Variants in SUGCT observed in about 807,000 individuals in gnomAD.
The protein encoded by SUGCT is succinyl-CoA:glutarate-CoA transferase.
A neutral mutation model predicts 55.0 loss-of-function variants in SUGCT; 41 were observed. That is an observed-to-expected ratio of 0.74 (90% CI 0.58 to 0.97). SUGCT has a LOEUF of 0.97. Ranked by LOEUF, SUGCT falls within the 50% of genes least tolerant of loss-of-function variation. The pLI, the probability that SUGCT is intolerant of heterozygous loss-of-function variation, is 0.00. For synonymous variants in SUGCT, 187 were observed against 200.4 expected, an observed-to-expected ratio of 0.93 and a Z score of 0.56; for missense variants, 568 against 547.8, an observed-to-expected ratio of 1.04 and a Z score of -0.37.
chr7:40,664,242 G>A (rs906258339), intron 12 of SUGCT, among the ~76,000 whole-genome samples: 6 of 152,204 alleles, frequency 3.9e-5, no homozygotes, highest in African/African-American at 7.2e-5. Flanking sequence ...ATGTAACACT[G>A]CAAAGCTATG....
intron 7 of SUGCT, among the ~76,000 whole-genome samples, chr7:40,269,080 G>C (rs1459551072): frequency 6.6e-6 from 1 of 152,004 alleles, no homozygotes; most frequent in Non-Finnish European, 1.5e-5. Context: ...GTACATGAAG[G>C]CTCCATTTCT....
intron 1 of SUGCT, among the ~76,000 whole-genome samples, chr7:40,175,024 A>G (rs11772813): frequency 8.2e-4 from 125 of 152,138 alleles, no homozygotes; most frequent in Non-Finnish European, 1.3e-3. Flanking sequence ...ATCTTTTGCT[A>G]TGATACTGGA....
At position 40,831,610 on chromosome 7, in the gene SUGCT, G is replaced by T. The variant is rs1792669310; in HGVS notation, c.1154-28706G>T. ...CTATATAATGCAGATGTTTAACCAA[G>T]ATGCTACTAAATACTCCCAGAATTA... On this transcript the variant is annotated intron_variant, in intron 13 of 13. Transcript: ENST00000335693. Among the ~76,000 whole-genome samples, 2 of 152,192 alleles carry T rather than the reference G, an allele frequency of 1.3e-5. 1 individual carries two copies. The highest frequency in any genetic ancestry group is 4.1e-4 in the South Asian group (2 of 4,830).
At chr7:40,547,040 C>T (rs1285239994) in intron 12 of SUGCT, 2 of 151,976 alleles carry the variant, frequency 1.3e-5, no homozygotes, top group African/African-American at 4.8e-5. Context: ...CTCTGGAGAA[C>T]CCTGACAACT....
chr7:40,906,635 G>A, the SUGCT span, among the ~76,000 whole-genome samples: 1 of 152,140 alleles, frequency 6.6e-6, no homozygotes, highest in Non-Finnish European at 1.5e-5. Flanking sequence ...TAGTCTAGAG[G>A]TGATTTAAAA....
At chr7:40,460,776 A>G (rs1178522006) in intron 11 of SUGCT, among the ~76,000 whole-genome samples, 6 of 152,290 alleles carry the variant, frequency 3.9e-5, no homozygotes, top group African/African-American at 1.4e-4. Flanking sequence ...ATAATCTGCA[A>G]CCTTCTTCTT....
At chr7:40,397,847 C>G (rs1562746723) in intron 9 of SUGCT, among the ~76,000 whole-genome samples, 1 of 152,176 alleles carries the variant, frequency 6.6e-6, no homozygotes, top group African/African-American at 2.4e-5. Context: ...CATATCCCTT[C>G]TGTCCACTCT....
At chr7:40,546,928 C>T (rs1795023396) in intron 12 of SUGCT, 1 of 152,190 alleles carries the variant, frequency 6.6e-6, no homozygotes, top group Admixed American at 6.5e-5. Context: ...AAGCATAATT[C>T]TAATCATAAT....
intron 11 of SUGCT, among the ~76,000 whole-genome samples, chr7:40,468,892 CTAAGG>C (rs1790265419): frequency 6.6e-6 from 1 of 152,040 alleles, no homozygotes; most frequent in Non-Finnish European, 1.5e-5. Flanking sequence ...CACTGGCTGC[CTAAGG>C]TAAGTGAAGA....
At chr7:40,304,843 A>T (rs1794763886) in intron 8 of SUGCT, among the ~76,000 whole-genome samples, 1 of 151,998 alleles carries the variant, frequency 6.6e-6, no homozygotes, top group Non-Finnish European at 1.5e-5. Context: ...TAAAAACAAA[A>T]ACCACATGAT....
At chr7:41,028,634 G>A in the SUGCT span, among the ~76,000 whole-genome samples, 1 of 152,158 alleles carries the variant, frequency 6.6e-6, no homozygotes, top group African/African-American at 2.4e-5. Context: ...ATAATGATAA[G>A]CATTTTTGTA....
At chr7:40,897,327 G>A in the SUGCT span, among the ~76,000 whole-genome samples, 1 of 151,768 alleles carries the variant, frequency 6.6e-6, no homozygotes, top group Non-Finnish European at 1.5e-5. Flanking sequence ...AAAAGCACAG[G>A]AAACAAAAAT....
chr7:40,875,030 T>C, the SUGCT span, among the ~76,000 whole-genome samples: 2 of 152,260 alleles, frequency 1.3e-5, no homozygotes, highest in East Asian at 3.8e-4. Context: ...AAGTTAGTCA[T>C]GGCCAATTAA....
the SUGCT span, among the ~76,000 whole-genome samples, chr7:41,020,304 T>C: frequency 6.6e-6 from 1 of 152,204 alleles, no homozygotes; most frequent in Admixed American, 6.5e-5. Context: ...TTGTTTTACA[T>C]TTCCTTGGCT....
At chr7:40,807,535 G>T (rs1441699889) in intron 13 of SUGCT, among the ~76,000 whole-genome samples, 1 of 152,170 alleles carries the variant, frequency 6.6e-6, no homozygotes, top group East Asian at 1.9e-4. Flanking sequence ...CTGAGATTTA[G>T]GAAAGGATGA....
At chr7:40,852,351 C>A (rs1053321702) in intron 13 of SUGCT, among the ~76,000 whole-genome samples, 3 of 152,154 alleles carry the variant, frequency 2.0e-5, no homozygotes, top group African/African-American at 7.2e-5. Context: ...CCATTCCAGT[C>A]AAGGCTGCCA....
the SUGCT span, among the ~76,000 whole-genome samples, chr7:40,887,307 A>G: frequency 0.32 from 48,860 of 152,056 alleles, 8,772 homozygotes; most frequent in East Asian, 0.67. Flanking sequence ...ATATTTGGAG[A>G]CTGTGTTGGG....
chr7:40,401,245 A>G (rs1786048717), intron 9 of SUGCT, among the ~76,000 whole-genome samples: 1 of 152,176 alleles, frequency 6.6e-6, no homozygotes, highest in African/African-American at 2.4e-5. Context: ...TTGGGCTCTT[A>G]TTACACCAAA....
intron 9 of SUGCT, among the ~76,000 whole-genome samples, chr7:40,356,028 C>T (rs1453383756): frequency 6.6e-6 from 1 of 152,184 alleles, no homozygotes; most frequent in African/African-American, 2.4e-5. Flanking sequence ...CTCAGTTGCT[C>T]CGTTAAATGG....
Sources: allele counts gnomAD v4.1 joint callset (sites outside exome capture counted in the v4.1 genomes callset), GRCh38; gene constraint gnomAD v4.1.1; transcripts MANE v1.5; gene names NCBI Gene and HGNC (gene_info 2026-07-23, HGNC 2026-07-21).